YAP1: variants seen among roughly 807,000 people sequenced by gnomAD.
The protein encoded by YAP1 is transcriptional coactivator YAP1.
A neutral mutation model predicts 56.9 loss-of-function variants in YAP1; 5 were observed. The observed-to-expected ratio is 0.09, with a 90% CI of 0.05 to 0.18. The LOEUF (loss-of-function observed/expected upper bound fraction) is 0.18. Among genes scored for constraint, YAP1 ranks in the 10% least tolerant of loss-of-function variants. The probability of loss-of-function intolerance (pLI) is 1.00; values close to 1 mark genes in which losing one functional copy is unlikely to be tolerated. For synonymous variants in YAP1, 265 were observed against 248.1 expected (o/e 1.07, Z -0.64); for missense variants, 539 against 651.8 (o/e 0.83, Z 1.88).
At position 102,161,701 on chromosome 11, in the gene YAP1, AACT is replaced by A. The variant is rs371889399; in HGVS notation, c.573-754_573-752del. ...AGTTTTTCTTTCATTGAAACAATGA[AACT>A]TTGCTACAAGAAAACTTAGTACTTA... On this transcript the variant is annotated intron_variant, in intron 2 of 8. Transcript: ENST00000282441. 1.1e-3 allele frequency among the ~76,000 whole-genome samples: 175 copies of A among 152,308 alleles called. No homozygotes were observed. In the East Asian group the frequency reaches 0.018, roughly 16 times the overall value.
At chr11:102,195,516 C>T (rs755694946) in intron 4 of YAP1, among the ~76,000 whole-genome samples, 1 of 152,070 alleles carries the variant, frequency 6.6e-6, no homozygotes, top group Non-Finnish European at 1.5e-5. Flanking sequence ...ATTGTAGCTC[C>T]CATTATCCCC....
At chr11:102,117,128 C>G (rs1214258237) in intron 2 of YAP1, among the ~76,000 whole-genome samples, 2 of 152,064 alleles carry the variant, frequency 1.3e-5, no homozygotes, top group African/African-American at 4.8e-5. Context: ...ATATCCTAAC[C>G]ATTAGTCAAA....
intron 4 of YAP1, among the ~76,000 whole-genome samples, chr11:102,191,606 A>T (rs1195826481): frequency 6.6e-6 from 1 of 152,218 alleles, no homozygotes; most frequent in South Asian, 2.1e-4. Context: ...ATGCACTTGC[A>T]TCTTGTATTG....
At chr11:102,159,244 G>T (rs181292400) in intron 2 of YAP1, among the ~76,000 whole-genome samples, 1 of 152,276 alleles carries the variant, frequency 6.6e-6, no homozygotes, top group African/African-American at 2.4e-5. Flanking sequence ...GTGCCGCACA[G>T]GTCCTCAAAG....
At chr11:102,227,684 A>T (rs545835750) in intron 8 of YAP1, 103 bp downstream of exon 8, 38 of 755,752 alleles carry the variant, frequency 5.0e-5, no homozygotes, top group Non-Finnish European at 7.2e-5. Flanking sequence ...GAAGAAAACC[A>T]ATTAAAATCC....
chr11:102,118,061 T>C (rs1317978245), intron 2 of YAP1, among the ~76,000 whole-genome samples: 1 of 152,222 alleles, frequency 6.6e-6, no homozygotes, highest in African/African-American at 2.4e-5. Context: ...TGATGCCTTA[T>C]AACTATTACC....
intron 4 of YAP1, among the ~76,000 whole-genome samples, chr11:102,196,156 A>G (rs1341518752): frequency 1.3e-5 from 2 of 152,212 alleles, no homozygotes; most frequent in Admixed American, 6.5e-5. Flanking sequence ...TAACCATAAC[A>G]TTCCCATATG....
At chr11:102,162,652 C>A in intron 3 of YAP1, 81 bp downstream of exon 3, 1 of 1,335,180 alleles carries the variant, frequency 7.5e-7, no homozygotes, top group South Asian at 1.2e-5. Context: ...AGTCATTACT[C>A]GTTTACAGAA....
intron 7 of YAP1, among the ~76,000 whole-genome samples, chr11:102,225,433 C>T (rs1950149720): frequency 6.6e-6 from 1 of 152,084 alleles, no homozygotes; most frequent in African/African-American, 2.4e-5. Flanking sequence ...TGCGGTGAGC[C>T]GAGATCATGC....
At chr11:102,218,921 G>C (rs1949786380) in intron 6 of YAP1, among the ~76,000 whole-genome samples, 1 of 152,188 alleles carries the variant, frequency 6.6e-6, no homozygotes, top group African/African-American at 2.4e-5. Flanking sequence ...CAAGAACATG[G>C]AGAGTCTAGT....
intron 4 of YAP1, among the ~76,000 whole-genome samples, chr11:102,195,243 A>G (rs968367714): frequency 2.0e-5 from 3 of 152,154 alleles, no homozygotes; most frequent in Admixed American, 6.5e-5. Flanking sequence ...AAACTGCTTG[A>G]TGAGGTGATG....
At chr11:102,154,186 C>G (rs531238635) in intron 2 of YAP1, among the ~76,000 whole-genome samples, 1 of 152,252 alleles carries the variant, frequency 6.6e-6, no homozygotes, top group East Asian at 1.9e-4. Context: ...GATCACATTT[C>G]AATTGCAACT....
rs57082707 is a variant in YAP1, at chr11:102,176,745, CAAAAAAAAAAAAAAA to C, written c.689-9256_689-9242del. Reference sequence around the variant, plus strand: ...TGGGCAACAGAGTAAGACTCCGTCTCAAAAAAAAAAAAAAAAAAAAAAAAAAAAAAAGAGTAGAAT... The same window carrying C: ...TGGGCAACAGAGTAAGACTCCGTCTCAAAAAAAAAAAAAAAAGAGTAGAAT... On this transcript the variant is annotated intron_variant, in intron 3 of 8. Coordinates refer to ENST00000282441, the MANE Select transcript of YAP1 (RefSeq NM_001130145.3). Among the ~76,000 whole-genome samples, 183 of 45,518 alleles carry C rather than the reference CAAAAAAAAAAAAAAA, an allele frequency of 4.0e-3. 5 individuals are homozygous for C. Among genetic ancestry groups the C allele is most frequent in the Non-Finnish European group, 5.3e-3 (139 of 26,188 alleles). 29.9% of individuals were successfully genotyped at this position (45,518 alleles called of 152,430 possible).
intron 2 of YAP1, among the ~76,000 whole-genome samples, chr11:102,118,081 G>T (rs895623796): frequency 6.6e-6 from 1 of 152,130 alleles, no homozygotes; most frequent in Non-Finnish European, 1.5e-5. Flanking sequence ...CATGTTCAAA[G>T]ATATGTGTTC....
intron 2 of YAP1, among the ~76,000 whole-genome samples, chr11:102,128,965 C>T (rs1051023132): frequency 2.6e-5 from 4 of 151,782 alleles, no homozygotes; most frequent in Admixed American, 1.3e-4. Context: ...CCCTCCCTCT[C>T]GCTTCCCTAT....
chr11:102,195,690 A>G (rs1948538833), intron 4 of YAP1, among the ~76,000 whole-genome samples: 1 of 152,216 alleles, frequency 6.6e-6, no homozygotes, highest in South Asian at 2.1e-4. Context: ...GTGAAGGAGT[A>G]CATGTTTGCT....
chr11:102,206,291 A>G (rs1256502331), intron 5 of YAP1, among the ~76,000 whole-genome samples: 6 of 152,182 alleles, frequency 3.9e-5, no homozygotes, highest in African/African-American at 1.4e-4. Flanking sequence ...GGAAACCTGT[A>G]TCATGAAGAG....
At position 102,111,030 on chromosome 11, in the gene YAP1, C is replaced by T. The variant is rs748301282; in HGVS notation, c.182C>T (p.Ser61Leu). The T allele has an allele frequency of 1.2e-6, 2 of 1,610,824 alleles. No homozygotes were observed. Residue 61 changes from serine (S) to leucine (L), a missense_variant, in exon 1 of 9, where the codon TCG becomes TTG. Physicochemically the swap from Ser to Leu is moderately radical, Grantham distance 145. This residue lies in a region of YAP1 where 7 missense variants were observed against 21.6 expected (regional missense o/e 0.32). Coordinates refer to ENST00000282441, the MANE Select transcript of YAP1 (RefSeq NM_001130145.3). ...CAGATCGTGCACGTCCGCGGGGACT[C>T]GGAGACCGACCTGGAGGCGCTCTTC... is the stretch of plus-strand genomic sequence containing the variant. Reference protein sequence around the residue: ...GHQIVHVRGDSETDLEALFNA... With the variant: ...GHQIVHVRGDLETDLEALFNA...
At chr11:102,166,899 C>T (rs1360990553) in intron 3 of YAP1, among the ~76,000 whole-genome samples, 2 of 152,170 alleles carry the variant, frequency 1.3e-5, no homozygotes, top group African/African-American at 4.8e-5. Flanking sequence ...TCTAGACTCC[C>T]CAAACCTGTT....
Sources: allele counts gnomAD v4.1 joint callset (sites outside exome capture counted in the v4.1 genomes callset), GRCh38; gene constraint gnomAD v4.1.1; regional missense constraint gnomAD v4.1.1; transcripts MANE v1.5; gene names NCBI Gene and HGNC (gene_info 2026-07-23, HGNC 2026-07-21).